Variants in LITAF observed in about 807,000 individuals in gnomAD.
LITAF encodes lipopolysaccharide induced TNF factor.
A neutral mutation model predicts 14.5 loss-of-function variants in LITAF; 9 were observed. That is an observed-to-expected ratio of 0.62 (90% CI 0.37 to 1.08). The LOEUF (loss-of-function observed/expected upper bound fraction) is 1.08. Among genes scored for constraint, LITAF ranks in the 50% least tolerant of loss-of-function variants. The pLI is 0.01. For synonymous variants in LITAF, 98 were observed against 88.2 expected, an observed-to-expected ratio of 1.11 and a Z score of -0.62; for missense variants, 206 against 213.4, an observed-to-expected ratio of 0.97 and a Z score of 0.22.
At chr16:11,627,170 T>G (rs1420792075) in intron 3 of LITAF, among the ~76,000 whole-genome samples, 2 of 152,172 alleles carry the variant, frequency 1.3e-5, no homozygotes, top group African/African-American at 4.8e-5. Context: ...TGAGCCTCAG[T>G]GATTGCTCCA....
intron 1 of LITAF, among the ~76,000 whole-genome samples, chr16:11,568,941 A>C (rs189401801): frequency 2.4e-4 from 36 of 152,110 alleles, no homozygotes; most frequent in Non-Finnish European, 4.9e-4. Context: ...CAGCCTCCCA[A>C]AGTGCTGGAA....
intron 1 of LITAF, among the ~76,000 whole-genome samples, chr16:11,563,864 G>C (rs1446833088): frequency 6.6e-6 from 1 of 151,954 alleles, no homozygotes; most frequent in East Asian, 1.9e-4. Flanking sequence ...GGGTTGGGGT[G>C]GGGGGCGTGC....
rs1030553814 is a variant in LITAF, at chr16:11,634,985, G to A, written c.-21+840C>T. 1.3e-5 allele frequency among the ~76,000 whole-genome samples: 2 copies of A among 152,100 alleles called. No individual in the cohort carries two copies. Among genetic ancestry groups the A allele is most frequent in the African/African-American group, 4.8e-5 (2 of 41,512 alleles). On this transcript the variant is annotated intron_variant, in intron 2 of 3. Transcript: ENST00000574848. The surrounding 1 kb of genome is among the most constrained non-coding windows in gnomAD (Gnocchi z 4.1). The stretch of plus-strand genomic sequence containing the variant: ...GGAAGCGGAGGTTGCAGAGAGCTGA[G>A]ATCACGCCATTGCACTCCAGCCTGG...
At position 11,553,657 on chromosome 16, in the gene LITAF, T is replaced by C. The variant is rs775822499; in HGVS notation, c.253A>G (p.Ile85Val). ...TGGATAGGGCGGTCCAAAAAGGTGA[T>C]GGGGTGCTGCACGTAGACCGTCTGC... ...TVQTVYVQHPITFLDRPIQMC... is the reference protein window; with the variant it reads ...TVQTVYVQHPVTFLDRPIQMC... The change falls in exon 3 of 4, where the codon ATC becomes GTC. Residue 85 changes from isoleucine (I) to valine (V), a missense_variant. Physicochemically the swap from Ile to Val is conservative, Grantham distance 29. Transcript: ENST00000622633. This position sits in a 1 kb window ranked among gnomAD's most constrained non-coding sequence, Gnocchi z 7.7. The C allele has an allele frequency of 5.6e-6, 9 of 1,613,938 alleles. No individual in the cohort carries two copies. Among genetic ancestry groups the C allele is most frequent in the Non-Finnish European group, 3.4e-6 (4 of 1,180,008 alleles).
chr16:11,560,569 C>G (rs996406352), intron 1 of LITAF, among the ~76,000 whole-genome samples: 2 of 135,040 alleles, frequency 1.5e-5, no homozygotes, highest in Non-Finnish European at 3.1e-5. Flanking sequence ...GGCCACAGAG[C>G]GAGATTCCAT....
At chr16:11,638,701 C>CAAAAAAAAA (rs57170972), upstream of LITAF, among the ~76,000 whole-genome samples, 11 of 75,962 alleles carry the variant, frequency 1.4e-4, no homozygotes, top group East Asian at 4.3e-4. Context: ...GACTCTGTCT[C>CAAAAAAAAA]AAAAAAAAAA....
chr16:11,603,681 G>A (rs1482709952), intron 3 of LITAF, among the ~76,000 whole-genome samples: 2 of 152,186 alleles, frequency 1.3e-5, no homozygotes, highest in African/African-American at 4.8e-5. Flanking sequence ...ACCTCAGCAG[G>A]CATGCAATTG....
chr16:11,622,547 C>G lies in LITAF; in HGVS notation c.85+10986G>C, dbSNP rs149080613. Among the ~76,000 whole-genome samples the G allele has an allele frequency of 1.2e-3, 183 of 152,346 alleles. 3 individuals are homozygous for G. In the East Asian group the frequency reaches 0.032, roughly 26 times the overall value. On this transcript the variant is annotated intron_variant, in intron 3 of 3. Transcript: ENST00000574848. ...GTCTGTGCAGATTTCCACCTCCCTA[C>G]ACAACCCCCTTCTTTCCTCTTGCAG...
intron 3 of LITAF, among the ~76,000 whole-genome samples, chr16:11,627,173 T>C (rs1211347745): frequency 2.6e-5 from 4 of 152,204 alleles, no homozygotes; most frequent in Non-Finnish European, 5.9e-5. Context: ...GCCTCAGTGA[T>C]TGCTCCAGTA....
intron 3 of LITAF, among the ~76,000 whole-genome samples, chr16:11,614,839 G>C (rs576432088): frequency 6.6e-6 from 1 of 152,188 alleles, no homozygotes; most frequent in Non-Finnish European, 1.5e-5. Flanking sequence ...AACTTGCCCA[G>C]TGGCATGCAT....
At chr16:11,599,641 GC>G (rs562920997), upstream of LITAF, among the ~76,000 whole-genome samples, 9 of 152,204 alleles carry the variant, frequency 5.9e-5, no homozygotes, top group South Asian at 1.9e-3. Context: ...TCTCCCCAAA[GC>G]CCAGAGAGGC....
intron 1 of LITAF, among the ~76,000 whole-genome samples, chr16:11,565,695 T>A (rs2141761470): frequency 6.6e-6 from 1 of 152,100 alleles, no homozygotes. Flanking sequence ...CTGGTGCCCC[T>A]ACCAACCGCA....
chr16:11,611,207 G>A (rs995623174), intron 3 of LITAF, among the ~76,000 whole-genome samples: 1 of 152,018 alleles, frequency 6.6e-6, no homozygotes, highest in African/African-American at 2.4e-5. Context: ...GCCAGGCGTG[G>A]TGGCACAAGC....
intron 3 of LITAF, among the ~76,000 whole-genome samples, chr16:11,622,039 G>A (rs937799313): frequency 1.2e-4 from 19 of 152,140 alleles, no homozygotes; most frequent in Non-Finnish European, 2.1e-4. Context: ...AACAAAACAC[G>A]TCTGCAGGCC....
At chr16:11,585,823 C>G (rs1409502006) in intron 1 of LITAF, among the ~76,000 whole-genome samples, 2 of 152,136 alleles carry the variant, frequency 1.3e-5, no homozygotes, top group Non-Finnish European at 2.9e-5. Context: ...TTGGAAGACC[C>G]CGTGGCTTCC....
intron 3 of LITAF, chr16:11,551,646 C>G (rs964070015): frequency 3.4e-6 from 2 of 584,904 alleles, no homozygotes; most frequent in African/African-American, 3.9e-5. Context: ...CATAGTAAAA[C>G]CCCTGCTTCC....
In LITAF at chr16:11,586,857, G is replaced by A; in HGVS notation, c.-6+29C>T. Reference sequence around the variant, plus strand: ...CCCCCGCTGTCTCCCGCTGGTCCCCGCGCCCCGGCGTCCCCGCGCCGCACT... The same window carrying A: ...CCCCCGCTGTCTCCCGCTGGTCCCCACGCCCCGGCGTCCCCGCGCCGCACT... On this transcript the variant is annotated intron_variant, in intron 1 of 3. Transcript: ENST00000622633. This position sits in a 1 kb window ranked among gnomAD's most constrained non-coding sequence, Gnocchi z 6.5. The A allele has an allele frequency of 6.6e-6, 1 of 152,260 alleles. No individual in the cohort carries two copies. Among genetic ancestry groups the A allele is most frequent in the Non-Finnish European group, 1.5e-5 (1 of 68,016 alleles). 9.4% of individuals were successfully genotyped at this position (152,260 alleles called of 1,614,324 possible).
Position 11,605,203 on chromosome 16 carries a change from T to C in LITAF, c.85+28330A>G, listed in dbSNP as rs1399348382. 1.3e-5 allele frequency among the ~76,000 whole-genome samples: 2 copies of C among 152,180 alleles called. No individual in the cohort carries two copies. Among genetic ancestry groups the C allele is most frequent in the Admixed American group, 6.6e-5 (1 of 15,264 alleles). On this transcript the variant is annotated intron_variant, in intron 3 of 3. Coordinates refer to the LITAF transcript ENST00000574848. This position sits in a 1 kb window ranked among gnomAD's most constrained non-coding sequence, Gnocchi z 4.7. ...CTCTCAGCATCCCCCCAGCCAGCTC[T>C]GGATGGAGGATGAGCTGAATTACGC...
At chr16:11,601,215 G>A (rs2141864834), upstream of LITAF, among the ~76,000 whole-genome samples, 1 of 151,930 alleles carries the variant, frequency 6.6e-6, no homozygotes, top group South Asian at 2.1e-4. Flanking sequence ...ATGTCTGGAG[G>A]GTTTCCACAA....
Sources: gnomAD v4.1 joint callset for allele counts (sites outside exome capture counted in the v4.1 genomes callset) on GRCh38, gnomAD v4.1.1 for gene constraint, Gnocchi (gnomAD v3.1) non-coding constraint, MANE v1.5 for transcripts, NCBI Gene and HGNC (gene_info 2026-07-23, HGNC 2026-07-21) for gene names.